Variants in AGBL4 observed in about 807,000 individuals in gnomAD.
The protein encoded by AGBL4 is cytosolic carboxypeptidase 6.
In AGBL4, 58 loss-of-function variants were observed where a neutral mutation model predicts 66.4. The observed-to-expected ratio is 0.87, with a 90% CI of 0.71 to 1.09. AGBL4 has a LOEUF of 1.09. AGBL4 is among the 50% of genes least tolerant of loss of function. AGBL4 has a pLI of 0.00. For synonymous variants in AGBL4, 234 were observed against 222.9 expected, an observed-to-expected ratio of 1.05 and a Z score of -0.44; for missense variants, 579 against 631.0, an observed-to-expected ratio of 0.92 and a Z score of 0.88.
intron 5 of AGBL4, among the ~76,000 whole-genome samples, chr1:48,993,137 A>G (rs1391375727): frequency 6.6e-6 from 1 of 152,164 alleles, no homozygotes; most frequent in Non-Finnish European, 1.5e-5. Context: ...CAAGGCCTAC[A>G]ACATGTATGA....
chr1:49,865,125 A>G (rs1237392367), intron 1 of AGBL4, among the ~76,000 whole-genome samples: 1 of 152,122 alleles, frequency 6.6e-6, no homozygotes, highest in East Asian at 1.9e-4. Context: ...TGGAGCCACT[A>G]AGGAGAGGGG....
chr1:49,085,558 G>A (rs1223537209), intron 4 of AGBL4, among the ~76,000 whole-genome samples: 2 of 151,916 alleles, frequency 1.3e-5, no homozygotes, highest in African/African-American at 2.4e-5. Flanking sequence ...TTCTCATGGA[G>A]AGGAAACAAA....
chr1:48,977,154 C>T (rs891498444), intron 5 of AGBL4, among the ~76,000 whole-genome samples: 7 of 151,998 alleles, frequency 4.6e-5, no homozygotes, highest in South Asian at 2.1e-4. Flanking sequence ...GCATGAATAC[C>T]GAGTACAATT....
In AGBL4 at chr1:49,897,156, G is replaced by C. The variant is rs887416248; in HGVS notation, c.35-45638C>G. ...ACATAAAGGTCATCTACATTGGAAAGGAATAAATCAAATTGTTCTTGTTTG... is the reference window on the plus strand; with the variant it reads ...ACATAAAGGTCATCTACATTGGAAACGAATAAATCAAATTGTTCTTGTTTG... On this transcript the variant is annotated intron_variant, in intron 1 of 13. Transcript: ENST00000371839. 3.3e-5 allele frequency among the ~76,000 whole-genome samples: 5 copies of C among 151,938 alleles called. 1 individual carries two copies. Among genetic ancestry groups the C allele is most frequent in the African/African-American group, 1.2e-4 (5 of 41,426 alleles).
At chr1:49,606,293 G>A (rs1645062223) in intron 3 of AGBL4, among the ~76,000 whole-genome samples, 1 of 151,956 alleles carries the variant, frequency 6.6e-6, no homozygotes, top group Non-Finnish European at 1.5e-5. Context: ...TAGCAGAGGT[G>A]GTCAAGTCAT....
At chr1:49,615,965 C>T (rs1243773581) in intron 3 of AGBL4, among the ~76,000 whole-genome samples, 1 of 152,120 alleles carries the variant, frequency 6.6e-6, no homozygotes, top group East Asian at 1.9e-4. Flanking sequence ...TATTCCTCAT[C>T]TTACCACTCA....
intron 9 of AGBL4, among the ~76,000 whole-genome samples, chr1:48,620,939 G>A (rs887229926): frequency 7.2e-5 from 11 of 152,078 alleles, no homozygotes; most frequent in East Asian, 1.9e-4. Context: ...AGGTAGAGCC[G>A]GAACTGGAGG....
At chr1:49,621,537 A>C (rs1326425730) in intron 3 of AGBL4, among the ~76,000 whole-genome samples, 1 of 152,240 alleles carries the variant, frequency 6.6e-6, no homozygotes, top group Non-Finnish European at 1.5e-5. Flanking sequence ...ATTTAGGCTA[A>C]ATTGTGGGAG....
intron 1 of AGBL4, among the ~76,000 whole-genome samples, chr1:49,936,572 A>C (rs1477739764): frequency 6.6e-6 from 1 of 152,182 alleles, no homozygotes; most frequent in African/African-American, 2.4e-5. Flanking sequence ...AAAAAATGTT[A>C]AGGGCAGCCA....
chr1:49,354,164 C>T (rs1014708999), intron 3 of AGBL4, among the ~76,000 whole-genome samples: 5 of 152,158 alleles, frequency 3.3e-5, no homozygotes, highest in Admixed American at 1.3e-4. Context: ...GTGCTCACTC[C>T]GGCTTTTGTA....
chr1:49,027,968 G>A (rs908044814), intron 5 of AGBL4, among the ~76,000 whole-genome samples: 3 of 152,162 alleles, frequency 2.0e-5, no homozygotes, highest in African/African-American at 7.2e-5. Flanking sequence ...CCAGTTCTAG[G>A]GCAGTGGCAT....
rs530758237 is a variant in AGBL4 at position 48,881,402 on chromosome 1, C to T, written c.595-14172G>A. 1.8e-3 allele frequency among the ~76,000 whole-genome samples: 268 copies of T among 152,216 alleles called. 1 individual carries two copies. The highest frequency in any genetic ancestry group is 6.0e-3 in the African/African-American group (249 of 41,532). On this transcript the variant is annotated intron_variant, in intron 5 of 13. Coordinates refer to ENST00000371839, the MANE Select transcript of AGBL4 (RefSeq NM_032785.4). ...TCACATAGTGAAAACTGACTTTTCA[C>T]GTGTATCTGTCGGGCATTAAGATTT...
At chr1:49,156,502 A>T (rs1331658148) in intron 4 of AGBL4, among the ~76,000 whole-genome samples, 2 of 152,160 alleles carry the variant, frequency 1.3e-5, no homozygotes, top group Admixed American at 6.5e-5. Flanking sequence ...TGAGGTTTTC[A>T]TCAAGCTGTA....
chr1:48,789,792 A>ACTCAC (rs1645501972), intron 6 of AGBL4, among the ~76,000 whole-genome samples: 1 of 152,186 alleles, frequency 6.6e-6, no homozygotes, highest in African/African-American at 2.4e-5. Context: ...AGCTCAGGAG[A>ACTCAC]CAGCTGAGAC....
chr1:48,962,112 T>A (rs1467979878), intron 5 of AGBL4, among the ~76,000 whole-genome samples: 1 of 148,168 alleles, frequency 6.7e-6, no homozygotes, highest in Non-Finnish European at 1.5e-5. Context: ...CATCCATCCA[T>A]CCATCCATCC....
At chr1:50,003,609 G>T (rs1660919649) in intron 1 of AGBL4, among the ~76,000 whole-genome samples, 1 of 152,096 alleles carries the variant, frequency 6.6e-6, no homozygotes, top group Admixed American at 6.5e-5. Flanking sequence ...AATCCCCAGG[G>T]ACCAGAGAAT....
intron 2 of AGBL4, among the ~76,000 whole-genome samples, chr1:49,702,496 A>G (rs577317341): frequency 3.9e-5 from 6 of 152,316 alleles, no homozygotes; most frequent in South Asian, 2.1e-4. Flanking sequence ...TCCCAAAAAA[A>G]TAAAATAAAA....
rs1491300456 is a variant in AGBL4, at chr1:49,714,593, T to TATATAC, written c.158-17157_158-17156insGTATAT. 2.3e-3 allele frequency among the ~76,000 whole-genome samples: 267 copies of TATATAC among 113,980 alleles called. 2 individuals are homozygous for TATATAC. The highest frequency in any genetic ancestry group is 8.0e-3 in the African/African-American group (254 of 31,700). The allele number at this position is 113,980 out of a possible 152,430, so 74.8% of individuals were successfully genotyped here. A position where few individuals can be genotyped will look rare whatever the true frequency, so the allele number is the denominator to read the frequency against. On this transcript the variant is annotated intron_variant, in intron 2 of 13. Transcript: ENST00000371839. ...ACATATATATATATATATATATATA[T>TATATAC]ACACACACACACATATATATATATC...
At chr1:49,704,494 CAT>C (rs1446147206) in intron 2 of AGBL4, among the ~76,000 whole-genome samples, 3 of 151,800 alleles carry the variant, frequency 2.0e-5, no homozygotes, top group South Asian at 2.1e-4. Flanking sequence ...AAAATTATAA[CAT>C]GTGTAGAAGA....
Sources: gnomAD v4.1 joint callset for allele counts (sites outside exome capture counted in the v4.1 genomes callset) on GRCh38, gnomAD v4.1.1 for gene constraint, MANE v1.5 for transcripts, NCBI Gene and HGNC (gene_info 2026-07-23, HGNC 2026-07-21) for gene names.